NDUFS4: variants seen among roughly 807,000 people sequenced by gnomAD.
The protein encoded by NDUFS4 is NADH dehydrogenase [ubiquinone] iron-sulfur protein 4, mitochondrial.
Under a neutral mutation model 24.3 loss-of-function variants are expected in NDUFS4, and 28 were observed. The ratio of observed to expected loss-of-function variants is 1.15; its 90% confidence interval spans 0.85 to 1.58. The LOEUF is 1.58. Ranked by LOEUF, NDUFS4 falls within the 40% of genes most tolerant of loss-of-function variation. The pLI, the probability that NDUFS4 is intolerant of heterozygous loss-of-function variation, is 0.00. For missense variants in NDUFS4, 223 were observed against 207.9 expected, an observed-to-expected ratio of 1.07 and a Z score of -0.45; for synonymous variants, 93 against 69.7, an observed-to-expected ratio of 1.34 and a Z score of -1.67.
chr5:53,675,453 C>T (rs541399042), intron 4 of NDUFS4, among the ~76,000 whole-genome samples: 1 of 152,118 alleles, frequency 6.6e-6, no homozygotes, highest in Non-Finnish European at 1.5e-5. Flanking sequence ...TGAGCCACCA[C>T]GCCAGGCCCA....
intron 2 of NDUFS4, among the ~76,000 whole-genome samples, chr5:53,614,482 C>G (rs561272020): frequency 6.6e-6 from 1 of 151,948 alleles, no homozygotes; most frequent in African/African-American, 2.4e-5. Flanking sequence ...TGTGATTCTT[C>G]AGCAATTAAA....
chr5:53,571,428 T>C (rs925450240), intron 1 of NDUFS4, among the ~76,000 whole-genome samples: 6 of 152,244 alleles, frequency 3.9e-5, no homozygotes, highest in Admixed American at 3.9e-4. Context: ...CCACATTTTA[T>C]TTTTGAGGGA....
chr5:53,625,140 G>T (rs183096240), intron 2 of NDUFS4, among the ~76,000 whole-genome samples: 2 of 151,862 alleles, frequency 1.3e-5, no homozygotes, highest in African/African-American at 4.8e-5. Flanking sequence ...GTAGAAATGG[G>T]GTTCGCCATG....
intron 2 of NDUFS4, among the ~76,000 whole-genome samples, chr5:53,641,916 TG>T (rs1216099655): frequency 6.6e-6 from 1 of 152,146 alleles, no homozygotes; most frequent in Non-Finnish European, 1.5e-5. Flanking sequence ...ACTAATAGTC[TG>T]CGGTAGAACA....
chr5:53,566,981 T>A (rs534099555), intron 1 of NDUFS4, among the ~76,000 whole-genome samples: 3 of 151,946 alleles, frequency 2.0e-5, no homozygotes, highest in Non-Finnish European at 4.4e-5. Flanking sequence ...CCCGAGTAGC[T>A]GGGATTACAG....
intron 2 of NDUFS4, among the ~76,000 whole-genome samples, chr5:53,638,592 A>G (rs1383346226): frequency 9.9e-5 from 15 of 152,118 alleles, no homozygotes; most frequent in South Asian, 6.2e-4. Context: ...AAAAATAACT[A>G]TCAGGTACTA....
In NDUFS4 at chr5:53,585,674, G is replaced by A. The variant is rs569277404; in HGVS notation, c.99-17778G>A. ...GGAGAATTACTTGAACCTGGGAGGC[G>A]GAGGTTGCGGTGAGCCGAGATCGCG... On this transcript the variant is annotated intron_variant, in intron 1 of 4. Coordinates refer to ENST00000296684, the MANE Select transcript of NDUFS4 (RefSeq NM_002495.4). Among the ~76,000 whole-genome samples the A allele has an allele frequency of 1.9e-3, 288 of 152,064 alleles. 1 individual carries two copies. Among genetic ancestry groups the A allele is most frequent in the African/African-American group, 6.7e-3 (279 of 41,498 alleles).
intron 2 of NDUFS4, among the ~76,000 whole-genome samples, chr5:53,626,072 T>A (rs1751212652): frequency 2.6e-5 from 4 of 152,100 alleles, no homozygotes. Flanking sequence ...GGTTGTGATG[T>A]TCCCCGCCCT....
At chr5:53,667,634 T>C (rs990954001) in intron 4 of NDUFS4, among the ~76,000 whole-genome samples, 4 of 152,096 alleles carry the variant, frequency 2.6e-5, no homozygotes, top group African/African-American at 4.8e-5. Flanking sequence ...AAATCATTTG[T>C]TGTCAGCTAG....
chr5:53,678,546 C>T (rs1740551029), intron 4 of NDUFS4, among the ~76,000 whole-genome samples: 1 of 152,130 alleles, frequency 6.6e-6, no homozygotes, highest in Non-Finnish European at 1.5e-5. Context: ...AATAGGACAA[C>T]ATATGGGACC....
At chr5:53,654,091 A>T (rs1752096767) in intron 3 of NDUFS4, among the ~76,000 whole-genome samples, 1 of 152,110 alleles carries the variant, frequency 6.6e-6, no homozygotes, top group Admixed American at 6.5e-5. Context: ...CATGATATTC[A>T]ACATCCTTAT....
chr5:53,566,849 ATTTTTT>A (rs34167752), intron 1 of NDUFS4, among the ~76,000 whole-genome samples: 1 of 136,694 alleles, frequency 7.3e-6, no homozygotes, highest in African/African-American at 2.7e-5. Context: ...ACCGCCAAGT[ATTTTTT>A]TTTTTTTTTT....
intron 4 of NDUFS4, among the ~76,000 whole-genome samples, chr5:53,671,228 T>C (rs909427030): frequency 6.6e-6 from 1 of 152,136 alleles, no homozygotes; most frequent in Non-Finnish European, 1.5e-5. Flanking sequence ...GTTTTTGAGA[T>C]GAAAAGAAGT....
intron 4 of NDUFS4, among the ~76,000 whole-genome samples, chr5:53,667,914 G>T (rs958083530): frequency 1.3e-5 from 2 of 152,184 alleles, no homozygotes; most frequent in Admixed American, 6.5e-5. Flanking sequence ...AAGCCCATGG[G>T]CTAGTTCGTC....
chr5:53,623,811 C>T (rs763353595), intron 2 of NDUFS4, among the ~76,000 whole-genome samples: 30 of 152,080 alleles, frequency 2.0e-4, no homozygotes, highest in Non-Finnish European at 3.5e-4. Flanking sequence ...CTCTGCCTCC[C>T]GGGATCAAGC....
chr5:53,596,028 A>G (rs1219565254), intron 1 of NDUFS4, among the ~76,000 whole-genome samples: 2 of 152,242 alleles, frequency 1.3e-5, no homozygotes, highest in Non-Finnish European at 1.5e-5. Context: ...ATGGTGTTCT[A>G]AAGAGATTTT....
intron 2 of NDUFS4, among the ~76,000 whole-genome samples, chr5:53,625,104 C>A (rs1449703084): frequency 6.6e-6 from 1 of 152,004 alleles, no homozygotes. Flanking sequence ...CACCACTATA[C>A]CCAGATAGTT....
chr5:53,650,805 T>G (rs1277956008), intron 3 of NDUFS4, among the ~76,000 whole-genome samples: 1 of 152,204 alleles, frequency 6.6e-6, no homozygotes, highest in Non-Finnish European at 1.5e-5. Context: ...ATAAATACAG[T>G]TTTACTTTGC....
intron 2 of NDUFS4, among the ~76,000 whole-genome samples, chr5:53,632,473 A>G (rs115629145): frequency 0.012 from 1,768 of 152,308 alleles, 30 homozygotes; most frequent in African/African-American, 0.041. Context: ...GTCTCATTGT[A>G]GACAAAGACT....
Sources: allele counts gnomAD v4.1 joint callset (sites outside exome capture counted in the v4.1 genomes callset), GRCh38; gene constraint gnomAD v4.1.1; transcripts MANE v1.5; gene names NCBI Gene and HGNC (gene_info 2026-07-23, HGNC 2026-07-21).